Variants in ATXN7L1 observed in about 807,000 individuals in gnomAD.
ATXN7L1 encodes ataxin 7 like 1, also known as ataxin-7-like protein 1.
Under a neutral mutation model 70.8 loss-of-function variants are expected in ATXN7L1, and 15 were observed. The ratio of observed to expected loss-of-function variants is 0.21; its 90% CI spans 0.14 to 0.33. ATXN7L1 has a LOEUF of 0.33. ATXN7L1 is among the 10% of genes least tolerant of loss of function. The probability of loss-of-function intolerance (pLI) is 1.00; values close to 1 mark genes in which losing one functional copy is unlikely to be tolerated. For synonymous variants in ATXN7L1, 440 were observed against 445.1 expected, an observed-to-expected ratio of 0.99 and a Z score of 0.14; for missense variants, 975 against 1,097.1, an observed-to-expected ratio of 0.89 and a Z score of 1.57.
intron 3 of ATXN7L1, among the ~76,000 whole-genome samples, chr7:105,720,606 G>A (rs914888574): frequency 6.6e-6 from 1 of 152,082 alleles, no homozygotes; most frequent in Non-Finnish European, 1.5e-5. Flanking sequence ...AATTATTGTA[G>A]AGATGAGATC....
At chr7:105,725,724 G>A (rs1795728665) in intron 3 of ATXN7L1, among the ~76,000 whole-genome samples, 2 of 151,960 alleles carry the variant, frequency 1.3e-5, no homozygotes, top group African/African-American at 4.8e-5. Flanking sequence ...GAGATTACAG[G>A]CATTCACCAC....
intron 4 of ATXN7L1, among the ~76,000 whole-genome samples, chr7:105,662,096 CTTTTCTTTTCT>C (rs1219381108): frequency 4.3e-5 from 5 of 114,970 alleles, no homozygotes; most frequent in Admixed American, 4.0e-4. Flanking sequence ...CTTTTCTTTT[CTTTTCTTTTCT>C]TTTTTTTTTT....
intron 7 of ATXN7L1, among the ~76,000 whole-genome samples, chr7:105,635,313 T>C (rs953701194): frequency 6.6e-6 from 1 of 152,174 alleles, no homozygotes; most frequent in African/African-American, 2.4e-5. Flanking sequence ...TGGAGGCGAA[T>C]AAACTGAACA....
intron 4 of ATXN7L1, among the ~76,000 whole-genome samples, chr7:105,654,383 A>G (rs1800299512): frequency 6.6e-6 from 1 of 152,256 alleles, no homozygotes. Flanking sequence ...TTTAATCTCT[A>G]TCCCCAATTT....
chr7:105,615,406 C>T (rs1243012912), intron 9 of ATXN7L1, among the ~76,000 whole-genome samples: 3 of 152,096 alleles, frequency 2.0e-5, no homozygotes, highest in South Asian at 2.1e-4. Flanking sequence ...CATCCTCTCG[C>T]CTTTGCTGTC....
At chr7:105,620,143 T>C in intron 9 of ATXN7L1, 57 bp downstream of exon 9, 1 of 1,539,170 alleles carries the variant, frequency 6.5e-7, no homozygotes, top group East Asian at 2.5e-5. Flanking sequence ...GAAAGTTAAG[T>C]TTCAGGTAAC....
At chr7:105,812,098 C>A (rs1014780504) in intron 2 of ATXN7L1, among the ~76,000 whole-genome samples, 1 of 133,916 alleles carries the variant, frequency 7.5e-6, no homozygotes, top group African/African-American at 2.6e-5. Flanking sequence ...CCTTCTCAAG[C>A]CCCCCTGGAT....
intron 3 of ATXN7L1, among the ~76,000 whole-genome samples, chr7:105,774,583 C>A (rs959991389): frequency 1.3e-5 from 2 of 152,024 alleles, no homozygotes; most frequent in Non-Finnish European, 2.9e-5. Flanking sequence ...CAACTCCTGA[C>A]CTCAAGTAAT....
At chr7:105,819,732 C>A in intron 2 of ATXN7L1, 1 of 784,122 alleles carries the variant, frequency 1.3e-6, no homozygotes, top group Non-Finnish European at 2.3e-6. Context: ...CCGCACCTTC[C>A]GGCTGACCTC....
intron 3 of ATXN7L1, among the ~76,000 whole-genome samples, chr7:105,730,352 C>T (rs1796392202): frequency 6.6e-6 from 1 of 151,970 alleles, no homozygotes; most frequent in Non-Finnish European, 1.5e-5. Context: ...GAAGGGTATC[C>T]TATAATAGGC....
chr7:105,760,089 T>C, intron 3 of ATXN7L1: 2 of 693,888 alleles, frequency 2.9e-6, no homozygotes, highest in Non-Finnish European at 3.5e-6. Flanking sequence ...AAGTCTCTCC[T>C]TTTTCTGGCT....
At chr7:105,800,957 T>C (rs1806724070) in intron 2 of ATXN7L1, among the ~76,000 whole-genome samples, 2 of 152,210 alleles carry the variant, frequency 1.3e-5, no homozygotes. Flanking sequence ...GCAGCCGTGT[T>C]TTGCTTAGAA....
chr7:105,742,301 T>C (rs1481690209), intron 3 of ATXN7L1, among the ~76,000 whole-genome samples: 2 of 152,242 alleles, frequency 1.3e-5, no homozygotes, highest in African/African-American at 4.8e-5. Flanking sequence ...TTTTTGTTGG[T>C]GTTCTCAAAT....
Position 105,613,871 on chromosome 7 carries a change from G to C in ATXN7L1, c.2463C>G (p.Ser821=). ...CCAGGAGGTCCCTTACCTGCCGAGA[G>C]GAGGTGCTGTTAACGGGATCGGGCA... ...APVPDPVNST[S]SRQVGKNSSL... The change falls in exon 10 of 12, where the codon TCC becomes TCG. Residue 821 remains serine, a synonymous_variant. Transcript: ENST00000419735. 6.4e-7 allele frequency: 1 copy of C among 1,552,032 alleles called. No homozygotes were observed. Among genetic ancestry groups the C allele is most frequent in the Non-Finnish European group, 8.7e-7 (1 of 1,147,056 alleles).
intron 3 of ATXN7L1, among the ~76,000 whole-genome samples, chr7:105,698,355 A>C (rs1314548705): frequency 6.6e-6 from 1 of 151,960 alleles, no homozygotes; most frequent in Non-Finnish European, 1.5e-5. Context: ...CATATGCTAG[A>C]TTTTTCTTTT....
chr7:105,641,088 A>G (rs955083261), intron 5 of ATXN7L1, among the ~76,000 whole-genome samples: 5 of 152,100 alleles, frequency 3.3e-5, no homozygotes, highest in Admixed American at 6.6e-5. Flanking sequence ...GGAGGTTGCA[A>G]TGGTGTTACT....
intron 2 of ATXN7L1, chr7:105,819,446 A>T (rs1015043861): frequency 8.3e-4 from 116 of 139,762 alleles, no homozygotes; most frequent in South Asian, 5.3e-3. Flanking sequence ...TTTGGGATTT[A>T]AAAAAAAAAA....
At chr7:105,637,543 C>T (rs1797571938) in intron 7 of ATXN7L1, among the ~76,000 whole-genome samples, 1 of 152,168 alleles carries the variant, frequency 6.6e-6, no homozygotes. Flanking sequence ...GTACCCCTGC[C>T]TGAGAGTACC....
At chr7:105,779,968 C>A (rs1803292969) in intron 3 of ATXN7L1, among the ~76,000 whole-genome samples, 1 of 152,000 alleles carries the variant, frequency 6.6e-6, no homozygotes, top group African/African-American at 2.4e-5. Context: ...ACTTAATTGA[C>A]AAAAAAACCC....
Sources: gnomAD v4.1 joint callset for allele counts (sites outside exome capture counted in the v4.1 genomes callset) on GRCh38, gnomAD v4.1.1 for gene constraint, MANE v1.5 for transcripts, NCBI Gene and HGNC (gene_info 2026-07-23, HGNC 2026-07-21) for gene names.